PLXDC2: variants seen among roughly 807,000 people sequenced by gnomAD.
The protein encoded by PLXDC2 is plexin domain-containing protein 2.
PLXDC2 carries 40 observed loss-of-function variants against 68.9 expected under a neutral mutation model. The observed-to-expected ratio is 0.58, with a 90% confidence interval of 0.45 to 0.76. PLXDC2 has a LOEUF of 0.76. Ranked by LOEUF, PLXDC2 falls within the 30% of genes least tolerant of loss-of-function variation. PLXDC2 has a pLI of 0.00. For synonymous variants in PLXDC2, 243 were observed against 234.2 expected (o/e 1.04, Z -0.34); for missense variants, 644 against 661.9 (o/e 0.97, Z 0.30).
At chr10:20,063,388 T>C (rs548919269) in intron 3 of PLXDC2, among the ~76,000 whole-genome samples, 1 of 152,148 alleles carries the variant, frequency 6.6e-6, no homozygotes, top group Non-Finnish European at 1.5e-5. Context: ...CAAAAAGAAG[T>C]TTTTATTAGT....
At position 19,816,901 on chromosome 10, in the gene PLXDC2, C is replaced by G. The variant is rs1836352461; in HGVS notation, c.-179C>G. On this transcript the variant is annotated 5_prime_UTR_variant, in exon 1 of 14. Coordinates refer to ENST00000377252, the MANE Select transcript of PLXDC2 (RefSeq NM_032812.9). ...GTCCGAAGAGCGCTGCGCTCCTACT[C>G]GCGTTCGCTTCTTCCTCTTCTCGGT... 2 of 601,300 alleles carry G rather than the reference C, an allele frequency of 3.3e-6. No homozygotes were observed. Among genetic ancestry groups the G allele is most frequent in the Admixed American group, 3.0e-5 (1 of 33,322 alleles). The allele number at this position is 601,300 out of a possible 1,614,324, so 37.2% of individuals were successfully genotyped here. A position where few individuals can be genotyped will look rare whatever the true frequency, so the allele number is the denominator to read the frequency against.
At chr10:19,840,918 C>T (rs1836891639) in intron 1 of PLXDC2, among the ~76,000 whole-genome samples, 1 of 152,096 alleles carries the variant, frequency 6.6e-6, no homozygotes, top group South Asian at 2.1e-4. Flanking sequence ...GACAGTGAAA[C>T]AGATGTCAGA....
In PLXDC2 at chr10:20,001,815, G is replaced by T; in HGVS notation, c.153G>T (p.Glu51Asp). 1 of 1,614,066 alleles carries T rather than the reference G, an allele frequency of 6.2e-7. No homozygotes were observed. Among genetic ancestry groups the T allele is most frequent in the Non-Finnish European group, 8.5e-7 (1 of 1,179,982 alleles). ...YGVTQAFPHT[E>D]EEVEVDSHAY... is the part of the protein sequence containing the mutation. ...TTACTCAGGCCTTCCCTCACACAGAGGAGGAGGTGGAAGTTGATTCACACG... is the reference window on the plus strand; with the variant it reads ...TTACTCAGGCCTTCCCTCACACAGATGAGGAGGTGGAAGTTGATTCACACG... The change falls in exon 2 of 14, where the codon GAG becomes GAT. Residue 51 changes from glutamate (E) to aspartate (D), a missense_variant. Glu to Asp is a conservative substitution (Grantham distance 45, BLOSUM62 2). This residue lies in a region of PLXDC2 where 201 missense variants were observed against 166.9 expected (regional missense o/e 1.20). Transcript: ENST00000377252.
intron 13 of PLXDC2, among the ~76,000 whole-genome samples, chr10:20,270,231 C>T (rs1300758761): frequency 2.0e-5 from 3 of 152,050 alleles, no homozygotes; most frequent in African/African-American, 7.2e-5. Context: ...ATACAGGAGC[C>T]ATGTGAAGGA....
chr10:20,116,515 A>C (rs1833624966), intron 4 of PLXDC2, among the ~76,000 whole-genome samples: 1 of 152,032 alleles, frequency 6.6e-6, no homozygotes, highest in Non-Finnish European at 1.5e-5. Flanking sequence ...AGCACTTCTT[A>C]ATGCTTTACT....
intron 12 of PLXDC2, among the ~76,000 whole-genome samples, chr10:20,223,373 C>A (rs1048263252): frequency 7.0e-6 from 1 of 143,610 alleles, no homozygotes; most frequent in Admixed American, 7.3e-5. Context: ...AGTGCAGTGA[C>A]GCGAACTTGG....
chr10:20,074,357 G>C (rs565683166), intron 4 of PLXDC2, among the ~76,000 whole-genome samples: 29 of 152,120 alleles, frequency 1.9e-4, no homozygotes, highest in African/African-American at 6.7e-4. Flanking sequence ...CATTTAACAA[G>C]TCAAACAGGC....
chr10:20,202,738 T>G (rs1834938151), intron 9 of PLXDC2, among the ~76,000 whole-genome samples: 1 of 152,170 alleles, frequency 6.6e-6, no homozygotes, highest in African/African-American at 2.4e-5. Flanking sequence ...TTCAAATGAA[T>G]GAATACTTCA....
chr10:20,132,540 G>A (rs1028763365), intron 4 of PLXDC2, among the ~76,000 whole-genome samples: 1 of 151,934 alleles, frequency 6.6e-6, no homozygotes, highest in Non-Finnish European at 1.5e-5. Flanking sequence ...AATATTGAGG[G>A]CATAACTATT....
intron 6 of PLXDC2, among the ~76,000 whole-genome samples, chr10:20,161,668 G>A (rs370083163): frequency 8.6e-5 from 13 of 151,744 alleles, no homozygotes; most frequent in African/African-American, 2.7e-4. Context: ...GAAGGAAAGA[G>A]ATTGAGGAAA....
intron 2 of PLXDC2, among the ~76,000 whole-genome samples, chr10:20,010,462 A>G (rs746696190): frequency 6.6e-6 from 1 of 152,204 alleles, no homozygotes; most frequent in Admixed American, 6.5e-5. Context: ...ATAGAGTATC[A>G]TATATCTTGC....
At chr10:19,967,714 G>A (rs1327900519) in intron 1 of PLXDC2, among the ~76,000 whole-genome samples, 1 of 152,132 alleles carries the variant, frequency 6.6e-6, no homozygotes, top group East Asian at 1.9e-4. Context: ...GTCCACCTTA[G>A]CAGCACGACT....
intron 5 of PLXDC2, among the ~76,000 whole-genome samples, chr10:20,144,949 C>A (rs966249411): frequency 1.3e-5 from 2 of 152,074 alleles, no homozygotes; most frequent in African/African-American, 4.8e-5. Flanking sequence ...GAATTTTACT[C>A]GTATTTGAAT....
chr10:20,192,164 A>G (rs1450641233), intron 9 of PLXDC2, among the ~76,000 whole-genome samples: 1 of 152,030 alleles, frequency 6.6e-6, no homozygotes, highest in Admixed American at 6.6e-5. Flanking sequence ...TTTAGGCTGC[A>G]TGGATTGTAG....
intron 1 of PLXDC2, among the ~76,000 whole-genome samples, chr10:19,913,725 G>A (rs191555586): frequency 6.6e-6 from 1 of 152,232 alleles, no homozygotes; most frequent in Admixed American, 6.5e-5. Context: ...TCAATAGCAG[G>A]TGATAAAAGA....
intron 4 of PLXDC2, among the ~76,000 whole-genome samples, chr10:20,101,592 A>T (rs1833422456): frequency 6.6e-6 from 1 of 152,078 alleles, no homozygotes; most frequent in Non-Finnish European, 1.5e-5. Flanking sequence ...TAATGTTCTT[A>T]CTTTGCTTCC....
chr10:20,037,940 C>T (rs554292843), intron 2 of PLXDC2, among the ~76,000 whole-genome samples: 79 of 152,306 alleles, frequency 5.2e-4, no homozygotes, highest in South Asian at 4.1e-4. Context: ...ACTAATCTAA[C>T]GTTTTTAGGA....
intron 9 of PLXDC2, among the ~76,000 whole-genome samples, chr10:20,182,272 G>A (rs1834616186): frequency 6.6e-6 from 1 of 151,830 alleles, no homozygotes; most frequent in Non-Finnish European, 1.5e-5. Context: ...ACCACCTTAT[G>A]TAGCAACCAT....
chr10:20,267,853 A>G (rs1351922072), intron 13 of PLXDC2, among the ~76,000 whole-genome samples: 1 of 133,644 alleles, frequency 7.5e-6, no homozygotes, highest in Non-Finnish European at 1.6e-5. Flanking sequence ...TTTTTTTTTT[A>G]TTTTTGAAGT....
Sources: gnomAD v4.1 joint callset for allele counts (sites outside exome capture counted in the v4.1 genomes callset) on GRCh38, gnomAD v4.1.1 for gene constraint, gnomAD v4.1.1 regional missense constraint, MANE v1.5 for transcripts, NCBI Gene and HGNC (gene_info 2026-07-23, HGNC 2026-07-21) for gene names.